MYOCD: variants seen among roughly 807,000 people sequenced by gnomAD.
MYOCD encodes the protein myocardin.
Under a neutral mutation model 96.1 loss-of-function variants are expected in MYOCD, and 32 were observed. That is an observed-to-expected ratio of 0.33 (90% CI 0.25 to 0.45). The LOEUF is 0.45. Among genes scored for constraint, MYOCD ranks in the 20% least tolerant of loss-of-function variants. The pLI, the probability that MYOCD is intolerant of heterozygous loss-of-function variation, is 1.00. For missense variants in MYOCD, 1,133 were observed against 1,200.6 expected (o/e 0.94, Z 0.83); for synonymous variants, 469 against 469.0 (o/e 1.00, Z 0.00).
chr17:12,724,184 G>A (rs533877528), intron 5 of MYOCD, among the ~76,000 whole-genome samples: 85 of 152,098 alleles, frequency 5.6e-4, no homozygotes, highest in African/African-American at 2.0e-3. Context: ...TCTCCATCAG[G>A]CATCTCTTAT....
At chr17:12,706,701 A>T (rs1646277278) in intron 2 of MYOCD, among the ~76,000 whole-genome samples, 1 of 152,212 alleles carries the variant, frequency 6.6e-6, no homozygotes, top group African/African-American at 2.4e-5. Flanking sequence ...CCTAGCATAC[A>T]TTGTAAAATA....
intron 1 of MYOCD, 102 bp downstream of exon 1, chr17:12,666,345 A>C: frequency 3.3e-6 from 3 of 899,748 alleles, no homozygotes; most frequent in Non-Finnish European, 5.4e-6. Context: ...TGCCAGGTCT[A>C]CCTCAACTTT....
intron 1 of MYOCD, among the ~76,000 whole-genome samples, chr17:12,680,941 T>G (rs958881881): frequency 2.0e-5 from 3 of 152,178 alleles, no homozygotes; most frequent in Admixed American, 2.0e-4. Context: ...AACTATCTGA[T>G]GCTCACATGC....
intron 2 of MYOCD, among the ~76,000 whole-genome samples, chr17:12,711,648 A>G (rs2031483134): frequency 6.6e-6 from 1 of 152,194 alleles, no homozygotes; most frequent in Non-Finnish European, 1.5e-5. Context: ...TTGTTAGTCC[A>G]AGCAGCCTTT....
intron 5 of MYOCD, among the ~76,000 whole-genome samples, chr17:12,724,571 T>C (rs962471805): frequency 1.3e-5 from 2 of 152,190 alleles, no homozygotes; most frequent in Non-Finnish European, 2.9e-5. Flanking sequence ...TATAGTCAAA[T>C]CCGCTCATCT....
chr17:12,720,807 G>A (rs893541067), intron 4 of MYOCD, among the ~76,000 whole-genome samples: 2 of 152,040 alleles, frequency 1.3e-5, no homozygotes, highest in African/African-American at 2.4e-5. Flanking sequence ...CGGATCATAA[G>A]GTCAGGAGAT....
intron 5 of MYOCD, among the ~76,000 whole-genome samples, chr17:12,734,369 C>T (rs1284763882): frequency 6.6e-6 from 1 of 152,070 alleles, no homozygotes; most frequent in Non-Finnish European, 1.5e-5. Context: ...GTGAATGGCA[C>T]TGGCCCGGGG....
At chr17:12,751,867 T>C (rs1446266427) in intron 9 of MYOCD, among the ~76,000 whole-genome samples, 3 of 152,190 alleles carry the variant, frequency 2.0e-5, no homozygotes, top group African/African-American at 4.8e-5. Flanking sequence ...GGGCACCACC[T>C]GAGGACTTGT....
chr17:12,677,813 G>A (rs1193007218), intron 1 of MYOCD, among the ~76,000 whole-genome samples: 2 of 151,238 alleles, frequency 1.3e-5, no homozygotes, highest in Admixed American at 1.3e-4. Flanking sequence ...ATATCATATT[G>A]ATTCTAAATT....
intron 1 of MYOCD, among the ~76,000 whole-genome samples, chr17:12,683,054 G>T (rs756096127): frequency 2.6e-5 from 4 of 152,134 alleles, no homozygotes; most frequent in African/African-American, 4.8e-5. Flanking sequence ...TGGAATTGGG[G>T]ATTTGAACAC....
chr17:12,698,757 TTG>T (rs1412395792), intron 1 of MYOCD, among the ~76,000 whole-genome samples: 5 of 128,116 alleles, frequency 3.9e-5, no homozygotes, highest in Non-Finnish European at 8.1e-5. Context: ...TTTTTTTTTT[TTG>T]TGAGACAGAG....
At chr17:12,668,065 G>A (rs1277975401) in intron 1 of MYOCD, among the ~76,000 whole-genome samples, 2 of 152,218 alleles carry the variant, frequency 1.3e-5, no homozygotes, top group African/African-American at 2.4e-5. Context: ...TGTAATGTTT[G>A]AATGGAGGTT....
In MYOCD at chr17:12,716,578, A is replaced by G. The variant is rs148890039; in HGVS notation, c.178-768A>G. Among the ~76,000 whole-genome samples, 143 of 152,310 alleles carry G rather than the reference A, an allele frequency of 9.4e-4. 1 individual carries two copies. Among genetic ancestry groups the G allele is most frequent in the Non-Finnish European group, 4.0e-4 (27 of 68,024 alleles). ...AGGCTTTACATTTTCACATGTCCTA[A>G]AAGAGAAGTCAAGCGAATAACGGGA... On this transcript the variant is annotated intron_variant, in intron 3 of 13. Coordinates refer to ENST00000425538, the MANE Select transcript of MYOCD (RefSeq NM_001146312.3).
In MYOCD at chr17:12,752,592, C is replaced by T. The variant is rs2032882753; in HGVS notation, c.1304C>T (p.Ser435Phe). ...VTPNTLPNYQ[S>F]SSSTSALSNG... ...CCCAACACGCTGCCCAATTACCAGT[C>T]TTCCTCTTCTACCAGTGCCCTGTCC... Residue 435 changes from serine (S) to phenylalanine (F), a missense_variant, in exon 10 of 14, where the codon TCT becomes TTT. Coordinates refer to ENST00000425538, the MANE Select transcript of MYOCD (RefSeq NM_001146312.3). 2 of 1,614,058 alleles carry T rather than the reference C, an allele frequency of 1.2e-6. No homozygotes were observed. The highest frequency in any genetic ancestry group is 1.7e-6 in the Non-Finnish European group (2 of 1,180,038).
At position 12,757,848 on chromosome 17, in the gene MYOCD, T is replaced by C. The variant is rs898587726; in HGVS notation, c.2203-237T>C. On this transcript the variant is annotated intron_variant, in intron 11 of 13. Coordinates refer to ENST00000425538, the MANE Select transcript of MYOCD (RefSeq NM_001146312.3). ...CTTATTTTCCCCTAAAATAAGAGGGTGCACCTTAAGGAGGAAAATAGATCT... is the reference window on the plus strand; with the variant it reads ...CTTATTTTCCCCTAAAATAAGAGGGCGCACCTTAAGGAGGAAAATAGATCT... Among the ~76,000 whole-genome samples the C allele has an allele frequency of 3.3e-5, 5 of 152,090 alleles. No individual in the cohort carries two copies. In the South Asian group the frequency reaches 1.0e-3, roughly 32 times the overall value.
intron 5 of MYOCD, among the ~76,000 whole-genome samples, chr17:12,730,649 T>TTTAGGCAACAGCTACA (rs1339301415): frequency 6.6e-6 from 1 of 152,184 alleles, no homozygotes; most frequent in Non-Finnish European, 1.5e-5. Context: ...TGCAAATGTC[T>TTTAGGCAACAGCTACA]TTAGGCAACA....
chr17:12,741,550 A>T (rs1014979947), intron 7 of MYOCD, among the ~76,000 whole-genome samples: 14 of 152,096 alleles, frequency 9.2e-5, no homozygotes, highest in Admixed American at 6.6e-5. Flanking sequence ...TCTACCAAAA[A>T]ATACAAAAAT....
chr17:12,692,687 C>G (rs1255184942), intron 1 of MYOCD, among the ~76,000 whole-genome samples: 1 of 152,078 alleles, frequency 6.6e-6, no homozygotes, highest in African/African-American at 2.4e-5. Context: ...TCCTTCAATC[C>G]TGATATTTCC....
intron 9 of MYOCD, among the ~76,000 whole-genome samples, chr17:12,749,546 A>ATATATG (rs1007978166): frequency 1.3e-5 from 2 of 148,494 alleles, no homozygotes; most frequent in African/African-American, 4.9e-5. Flanking sequence ...ATATATATAT[A>ATATATG]TGTATGTATA....
Sources: allele counts gnomAD v4.1 joint callset (sites outside exome capture counted in the v4.1 genomes callset), GRCh38; gene constraint gnomAD v4.1.1; transcripts MANE v1.5; gene names NCBI Gene and HGNC (gene_info 2026-07-23, HGNC 2026-07-21).